The following MTF2 variants were observed in gnomAD, a reference collection of about 807,000 sequenced individuals.
MTF2 encodes the protein metal-response element-binding transcription factor 2.
A neutral mutation model predicts 79.5 loss-of-function variants in MTF2; 11 were observed. That is an observed-to-expected ratio of 0.14 (90% CI 0.09 to 0.23). The LOEUF is 0.23. MTF2 is among the 10% of genes least tolerant of loss of function. The pLI, the probability that MTF2 is intolerant of heterozygous loss-of-function variation, is 1.00. For synonymous variants in MTF2, 208 were observed against 232.8 expected, an observed-to-expected ratio of 0.89 and a Z score of 0.97; for missense variants, 486 against 711.2, an observed-to-expected ratio of 0.68 and a Z score of 3.60.
intron 6 of MTF2, among the ~76,000 whole-genome samples, chr1:93,117,300 G>C (rs1206525671): frequency 3.3e-5 from 5 of 152,202 alleles, no homozygotes; most frequent in Admixed American, 1.3e-4. Context: ...ATACTTGGGA[G>C]GCTGAGGTGG....
intron 1 of MTF2, among the ~76,000 whole-genome samples, chr1:93,095,631 A>T (rs903800919): frequency 7.4e-6 from 1 of 134,290 alleles, no homozygotes; most frequent in Non-Finnish European, 1.6e-5. Flanking sequence ...GGCGTGAGCC[A>T]CCCTGCCTGG....
chr1:93,086,620 T>C (rs1389539168), intron 1 of MTF2, among the ~76,000 whole-genome samples: 1 of 151,708 alleles, frequency 6.6e-6, no homozygotes, highest in African/African-American at 2.4e-5. Context: ...CCCGGGTGAA[T>C]CTTGAGATGC....
chr1:93,095,313 C>G (rs1156597385), intron 1 of MTF2, among the ~76,000 whole-genome samples: 1 of 151,982 alleles, frequency 6.6e-6, no homozygotes, highest in Non-Finnish European at 1.5e-5. Context: ...CCTTTTATAC[C>G]AACTTCTACA....
chr1:93,093,403 A>G (rs563163025), intron 1 of MTF2, among the ~76,000 whole-genome samples: 4 of 152,118 alleles, frequency 2.6e-5, no homozygotes, highest in South Asian at 4.1e-4. Context: ...TATCAGTGCC[A>G]TTTATTTTTC....
At chr1:93,109,075 C>A (rs1655923342) in intron 1 of MTF2, among the ~76,000 whole-genome samples, 1 of 152,030 alleles carries the variant, frequency 6.6e-6, no homozygotes, top group Non-Finnish European at 1.5e-5. Context: ...TTTAATTTCC[C>A]TGCTCATTTT....
intron 11 of MTF2, among the ~76,000 whole-genome samples, chr1:93,130,061 A>G (rs1320179516): frequency 6.6e-6 from 1 of 152,226 alleles, no homozygotes; most frequent in African/African-American, 2.4e-5. Flanking sequence ...AAACAAAGGG[A>G]AAAACTACTC....
At position 93,133,789 on chromosome 1, in the gene MTF2, A is replaced by G. The variant is rs1647248911; in HGVS notation, c.1247A>G (p.Lys416Arg). Residue 416 changes from lysine to arginine, a missense_variant, in exon 12 of 15, where the codon AAA becomes AGA. Lys to Arg is a conservative substitution (Grantham distance 26, BLOSUM62 2). Coordinates refer to ENST00000370298, the MANE Select transcript of MTF2 (RefSeq NM_007358.4). ...PGPYTRKMIQ[K>R]TAEPLLDKES... ...CCATATACAAGAAAAATGATTCAAA[A>G]AACTGCTGAGCCACTTTTGGTAAGA... 1 of 1,610,228 alleles carries G rather than the reference A, an allele frequency of 6.2e-7. No individual in the cohort carries two copies. The highest frequency in any genetic ancestry group is 2.2e-5 in the East Asian group (1 of 44,756).
At chr1:93,130,299 C>T (rs559696615) in intron 11 of MTF2, among the ~76,000 whole-genome samples, 99 of 152,224 alleles carry the variant, frequency 6.5e-4, no homozygotes, top group Non-Finnish European at 1.1e-3. Flanking sequence ...AATACTTGGC[C>T]GGGTGCACTG....
At chr1:93,127,020 T>A (rs490153) in intron 9 of MTF2, among the ~76,000 whole-genome samples, 95,877 of 151,996 alleles carry the variant, frequency 0.63, 34,539 homozygotes, top group East Asian at 0.93. Flanking sequence ...GTAGGATTTA[T>A]ACTTCATTTT....
At chr1:93,088,977 C>G (rs1654964711) in intron 1 of MTF2, among the ~76,000 whole-genome samples, 1 of 152,014 alleles carries the variant, frequency 6.6e-6, no homozygotes, top group African/African-American at 2.4e-5. Flanking sequence ...CACAAACATA[C>G]AAAGATGTTC....
chr1:93,120,285 G>A (rs1301715171), intron 8 of MTF2: 5 of 197,956 alleles, frequency 2.5e-5, no homozygotes, highest in East Asian at 1.8e-4. Flanking sequence ...GGCAATCAGC[G>A]AAACTCTGTC....
chr1:93,079,663 G>T, intron 1 of MTF2, 132 bp downstream of exon 1: 1 of 1,175,138 alleles, frequency 8.5e-7, no homozygotes, highest in South Asian at 1.3e-5. Context: ...GTATGTGGGT[G>T]CCTTTGCATT....
chr1:93,088,857 C>CCA (rs2101021710), intron 1 of MTF2, among the ~76,000 whole-genome samples: 1 of 152,160 alleles, frequency 6.6e-6, no homozygotes, highest in African/African-American at 2.4e-5. Context: ...CAGGCATGAA[C>CCA]CACCATGCCC....
chr1:93,138,585 G>A lies in MTF2; in HGVS notation c.*1558G>A, dbSNP rs192337462. The A allele has an allele frequency of 2.1e-4, 32 of 152,306 alleles. No individual in the cohort carries two copies. Among genetic ancestry groups the A allele is most frequent in the African/African-American group, 7.2e-4 (30 of 41,570 alleles). 9.4% of individuals were successfully genotyped at this position (152,306 alleles called of 1,614,324 possible). A position where few individuals can be genotyped will look rare whatever the true frequency, so the allele number is the denominator to read the frequency against. On this transcript the variant is annotated 3_prime_UTR_variant, in exon 15 of 15. Transcript: ENST00000370298. ...AAAGAAGCAGAGAACTTCATTGTCT[G>A]CATTTGGTTCCTGGTTGGCCAGGTA...
intron 6 of MTF2, among the ~76,000 whole-genome samples, 177 bp from the exon 7 acceptor site, chr1:93,118,168 T>A (rs894644506): frequency 2.0e-5 from 3 of 151,930 alleles, no homozygotes; most frequent in Non-Finnish European, 4.4e-5. Context: ...ATGAAATAGC[T>A]GATACTATAA....
intron 1 of MTF2, among the ~76,000 whole-genome samples, chr1:93,094,650 G>A (rs1655207445): frequency 6.6e-6 from 1 of 151,884 alleles, no homozygotes; most frequent in Admixed American, 6.6e-5. Context: ...ACTAGATCTA[G>A]AGGCTTACCA....
intron 11 of MTF2, among the ~76,000 whole-genome samples, chr1:93,132,310 A>G (rs1437414045): frequency 6.6e-6 from 1 of 152,158 alleles, no homozygotes; most frequent in Non-Finnish European, 1.5e-5. Context: ...AGATTTTGTC[A>G]CTCAGATCCT....
chr1:93,095,465 C>T (rs1655250226), intron 1 of MTF2, among the ~76,000 whole-genome samples: 1 of 151,854 alleles, frequency 6.6e-6, no homozygotes, highest in Non-Finnish European at 1.5e-5. Context: ...CTCAGCCTCC[C>T]AGGTAGCTGG....
intron 11 of MTF2, among the ~76,000 whole-genome samples, chr1:93,133,281 C>A (rs1200359055): frequency 6.6e-6 from 1 of 152,070 alleles, no homozygotes; most frequent in Non-Finnish European, 1.5e-5. Flanking sequence ...AAGTTAACTG[C>A]TAAATTCATA....
Sources: allele counts gnomAD v4.1 joint callset (sites outside exome capture counted in the v4.1 genomes callset), GRCh38; gene constraint gnomAD v4.1.1; transcripts MANE v1.5; gene names NCBI Gene and HGNC (gene_info 2026-07-23, HGNC 2026-07-21).